The following MARCHF11 variants were observed in gnomAD, a reference collection of about 807,000 sequenced individuals.
MARCHF11 encodes the protein E3 ubiquitin-protein ligase MARCHF11.
Under a neutral mutation model 37.3 loss-of-function variants are expected in MARCHF11, and 29 were observed. That is an observed-to-expected ratio of 0.78 (90% confidence interval 0.58 to 1.06). The LOEUF is 1.06. Among genes scored for constraint, MARCHF11 ranks in the 50% least tolerant of loss-of-function variants. MARCHF11 has a pLI of 0.00. For missense variants in MARCHF11, 482 were observed against 533.4 expected (o/e 0.90, Z 0.95); for synonymous variants, 233 against 228.0 (o/e 1.02, Z -0.20).
intron 3 of MARCHF11, among the ~76,000 whole-genome samples, chr5:16,085,752 A>T (rs1191783802): frequency 1.3e-5 from 2 of 151,940 alleles, no homozygotes; most frequent in Admixed American, 6.6e-5. Context: ...GGAGATCGAG[A>T]TCATCCTGGC....
At chr5:16,122,148 TC>T (rs1300728965) in intron 2 of MARCHF11, among the ~76,000 whole-genome samples, 1 of 152,116 alleles carries the variant, frequency 6.6e-6, no homozygotes, top group Non-Finnish European at 1.5e-5. Context: ...TTCACATCAA[TC>T]ACCCACACCA....
chr5:16,160,527 A>G (rs2126604085), intron 2 of MARCHF11, among the ~76,000 whole-genome samples: 1 of 150,960 alleles, frequency 6.6e-6, no homozygotes, highest in African/African-American at 2.4e-5. Context: ...ACATTGGACA[A>G]TCAACATTTG....
chr5:16,135,019 C>A (rs1232636155), intron 2 of MARCHF11, among the ~76,000 whole-genome samples: 1 of 151,992 alleles, frequency 6.6e-6, no homozygotes, highest in Non-Finnish European at 1.5e-5. Context: ...CACACACACA[C>A]ACACACACAT....
chr5:16,174,569 C>T (rs1157041740), intron 2 of MARCHF11, among the ~76,000 whole-genome samples: 1 of 152,238 alleles, frequency 6.6e-6, no homozygotes, highest in Non-Finnish European at 1.5e-5. Flanking sequence ...CTGCTCTTTG[C>T]CCTTCTCTGT....
intron 2 of MARCHF11, among the ~76,000 whole-genome samples, chr5:16,126,551 T>C (rs962675123): frequency 1.3e-5 from 2 of 152,240 alleles, no homozygotes; most frequent in East Asian, 1.9e-4. Flanking sequence ...ATGCCCTGCA[T>C]AGACATTTTA....
chr5:16,162,677 C>A (rs1738100921), intron 2 of MARCHF11, among the ~76,000 whole-genome samples: 1 of 151,330 alleles, frequency 6.6e-6, no homozygotes, highest in Non-Finnish European at 1.5e-5. Flanking sequence ...GAGATTTTGT[C>A]TTTTTTGTTT....
intron 2 of MARCHF11, among the ~76,000 whole-genome samples, chr5:16,099,358 G>C (rs1386722768): frequency 5.3e-5 from 8 of 152,116 alleles, no homozygotes; most frequent in Non-Finnish European, 1.0e-4. Context: ...CCATAAAAGA[G>C]AGGGAGAAAA....
At chr5:16,119,566 C>A (rs1264549445) in intron 2 of MARCHF11, among the ~76,000 whole-genome samples, 1 of 151,760 alleles carries the variant, frequency 6.6e-6, no homozygotes, top group Non-Finnish European at 1.5e-5. Flanking sequence ...ACATGCTCCA[C>A]AAGGGATCTT....
At chr5:16,152,459 T>C (rs186769114) in intron 2 of MARCHF11, among the ~76,000 whole-genome samples, 100 of 152,118 alleles carry the variant, frequency 6.6e-4, no homozygotes, top group African/African-American at 2.0e-3. Context: ...CTAAGCCAAA[T>C]TTTGTCAGGA....
At chr5:16,147,318 T>C (rs572155001) in intron 2 of MARCHF11, among the ~76,000 whole-genome samples, 21 of 152,310 alleles carry the variant, frequency 1.4e-4, no homozygotes, top group African/African-American at 4.8e-4. Context: ...AAATGCATTA[T>C]GGGCTTCATT....
At chr5:16,129,937 G>A (rs1198814548) in intron 2 of MARCHF11, among the ~76,000 whole-genome samples, 1 of 152,026 alleles carries the variant, frequency 6.6e-6, no homozygotes, top group Admixed American at 6.6e-5. Context: ...ATTTTAAAAC[G>A]AGGAAGGAGT....
chr5:16,123,091 C>T (rs928420535), intron 2 of MARCHF11, among the ~76,000 whole-genome samples: 3 of 152,166 alleles, frequency 2.0e-5, no homozygotes, highest in African/African-American at 4.8e-5. Flanking sequence ...TTCCCTCTTC[C>T]GAACCCTTTG....
intron 2 of MARCHF11, among the ~76,000 whole-genome samples, chr5:16,092,392 G>T (rs113026928): frequency 6.6e-6 from 1 of 152,016 alleles, no homozygotes; most frequent in Non-Finnish European, 1.5e-5. Flanking sequence ...TAACAGAACC[G>T]AACAACACTG....
intron 3 of MARCHF11, among the ~76,000 whole-genome samples, chr5:16,084,706 C>A (rs1579678022): frequency 1.4e-5 from 2 of 146,516 alleles, no homozygotes; most frequent in Non-Finnish European, 3.0e-5. Context: ...TTTCAAAGTA[C>A]AGGAAAATAA....
At chr5:16,091,423 A>G (rs1026112382) in intron 2 of MARCHF11, among the ~76,000 whole-genome samples, 2 of 152,232 alleles carry the variant, frequency 1.3e-5, no homozygotes, top group African/African-American at 4.8e-5. Context: ...TACACTCTGA[A>G]CATACATGGT....
At chr5:16,071,962 T>TTG (rs1168001138) in intron 3 of MARCHF11, among the ~76,000 whole-genome samples, 2 of 152,144 alleles carry the variant, frequency 1.3e-5, no homozygotes, top group African/African-American at 4.8e-5. Context: ...TTTTTGTTTT[T>TTG]TTTGTTTGTT....
At chr5:16,174,717 G>A (rs1456425014) in intron 2 of MARCHF11, among the ~76,000 whole-genome samples, 2 of 152,134 alleles carry the variant, frequency 1.3e-5, no homozygotes, top group African/African-American at 2.4e-5. Context: ...GTGCTGGAAG[G>A]GAAGTTATGG....
Position 16,126,440 on chromosome 5 carries a change from T to C in MARCHF11, c.694-35359A>G, listed in dbSNP as rs1000818384. On this transcript the variant is annotated intron_variant, in intron 2 of 3. Coordinates refer to ENST00000332432, the MANE Select transcript of MARCHF11 (RefSeq NM_001102562.3). ...TTTTAACACATGAATTATTTTGTAC[T>C]TTATTCCAAGTTATAATACTTTGCA... 2.0e-5 allele frequency among the ~76,000 whole-genome samples: 3 copies of C among 152,366 alleles called. No individual in the cohort carries two copies. In the East Asian group the frequency reaches 5.8e-4, roughly 29 times the overall value.
chr5:16,124,991 T>TA (rs1228252166), intron 2 of MARCHF11, among the ~76,000 whole-genome samples: 2 of 151,502 alleles, frequency 1.3e-5, no homozygotes, highest in African/African-American at 4.8e-5. Context: ...ATGGCTGCAC[T>TA]AGTGTCAGGA....
Sources: gnomAD v4.1 joint callset for allele counts (sites outside exome capture counted in the v4.1 genomes callset) on GRCh38, gnomAD v4.1.1 for gene constraint, MANE v1.5 for transcripts, NCBI Gene and HGNC (gene_info 2026-07-23, HGNC 2026-07-21) for gene names.